The following ORC3 variants were observed in gnomAD, a reference collection of about 807,000 sequenced individuals.
ORC3 encodes the protein homolog of latheo, Drosophila.
A neutral mutation model predicts 100.7 loss-of-function variants in ORC3; 78 were observed. That is an observed-to-expected ratio of 0.77 (90% confidence interval 0.65 to 0.94). ORC3 has a LOEUF of 0.94. Among genes scored for constraint, ORC3 ranks in the 40% least tolerant of loss-of-function variants. The pLI, the probability that ORC3 is intolerant of heterozygous loss-of-function variation, is 0.00. For synonymous variants in ORC3, 295 were observed against 289.3 expected (o/e 1.02, Z -0.20); for missense variants, 789 against 823.9 (o/e 0.96, Z 0.52).
intron 11 of ORC3, among the ~76,000 whole-genome samples, chr6:87,626,895 A>G (rs1339705416): frequency 6.6e-6 from 1 of 152,130 alleles, no homozygotes; most frequent in Non-Finnish European, 1.5e-5. Context: ...AACAAATATA[A>G]TGATAAAGCT....
chr6:87,607,933 C>A, intron 6 of ORC3, 109 bp downstream of exon 6: 1 of 640,114 alleles, frequency 1.6e-6, no homozygotes, highest in Non-Finnish European at 2.5e-6. Flanking sequence ...GTTTCTGCAG[C>A]ACTAGGTGTT....
chr6:87,599,631 G>C (rs557983959), intron 2 of ORC3, among the ~76,000 whole-genome samples: 1 of 150,878 alleles, frequency 6.6e-6, no homozygotes, highest in Non-Finnish European at 1.5e-5. Context: ...CTCCCAAAGC[G>C]CTGGGATTAC....
At position 87,601,882 on chromosome 6, in the gene ORC3, G is replaced by A. The variant is rs746287729; in HGVS notation, c.177+1G>A. ...GCAGCAGATGAAATCTGAAAATGAG[G>A]TGAATACTTTTTTTAATAATTTTCT... On this transcript the variant is annotated splice_donor_variant, in intron 3 of 19. Transcript: ENST00000392844. LOFTEE classifies it high-confidence loss of function. 6.4e-7 allele frequency: 1 copy of A among 1,559,744 alleles called. No homozygotes were observed. Among genetic ancestry groups the A allele is most frequent in the Non-Finnish European group, 8.8e-7 (1 of 1,130,806 alleles).
At position 87,653,229 on chromosome 6, in the gene ORC3, C is replaced by T. The variant is rs916515545; in HGVS notation, c.1496C>T (p.Ala499Val). 6.2e-7 allele frequency: 1 copy of T among 1,613,502 alleles called. No individual in the cohort carries two copies. Among genetic ancestry groups the T allele is most frequent in the Non-Finnish European group, 8.5e-7 (1 of 1,179,712 alleles). Residue 499 changes from alanine to valine, a missense_variant, in exon 14 of 20, where the codon GCC becomes GTC. Around this residue, in one of 3 missense-constraint regions of ORC3, gnomAD observed 366 missense variants for 394.2 expected, o/e 0.93. Transcript: ENST00000392844. ...STAKRIEEFL[A>V]QFQSLDETKE... ...GCTAAGAGAATAGAGGAGTTCCTGG[C>T]CCAGTTTCAGAGCCTCGATGGTAAG... is the stretch of plus-strand genomic sequence containing the variant.
Position 87,656,985 on chromosome 6 carries a change from C to T in ORC3, c.1593+3C>T, listed in dbSNP as rs1769761331. 1 of 1,593,584 alleles carries T rather than the reference C, an allele frequency of 6.3e-7. No homozygotes were observed. Among genetic ancestry groups the T allele is most frequent in the South Asian group, 1.1e-5 (1 of 90,730 alleles). ...CAGACCTCTATCATCTTCAGAAGGT[C>T]AGGTCACTCTCTTCCCTTCCAGCTG... On this transcript the variant is annotated splice_donor_region_variant and intron_variant, in intron 15 of 19. Coordinates refer to ENST00000392844, the MANE Select transcript of ORC3 (RefSeq NM_012381.4).
Position 87,663,884 on chromosome 6 carries a change from G to A in ORC3, c.1833+740G>A, listed in dbSNP as rs752751042. ...CAATAAATACTTAAGAAACAACTCC[G>A]TAAGACCTATGAAGAGCATTCCAGT... On this transcript the variant is annotated intron_variant, in intron 17 of 19. Transcript: ENST00000392844. Among the ~76,000 whole-genome samples the A allele has an allele frequency of 6.6e-5, 10 of 152,248 alleles. No homozygotes were observed. In the South Asian group the frequency reaches 1.2e-3, roughly 19 times the overall value.
At chr6:87,628,305 C>A (rs142437974) in intron 11 of ORC3, among the ~76,000 whole-genome samples, 1 of 152,100 alleles carries the variant, frequency 6.6e-6, no homozygotes, top group Non-Finnish European at 1.5e-5. Context: ...CCTGCACGTC[C>A]TGCACATGTA....
In ORC3 at chr6:87,663,125, A is replaced by G. The variant is rs775491363; in HGVS notation, c.1814A>G (p.Asn605Ser). The change falls in exon 17 of 20, where the codon AAT becomes AGT. Residue 605 changes from asparagine to serine, a missense_variant. Asn to Ser is a conservative substitution (Grantham distance 46, BLOSUM62 1). Around this residue, in one of 3 missense-constraint regions of ORC3, gnomAD observed 366 missense variants for 394.2 expected, o/e 0.93. Transcript: ENST00000392844. Reference protein sequence around the residue: ...PRIALHTALNNPYYYLKNEAL... With the variant: ...PRIALHTALNSPYYYLKNEAL... ...ATTGCCCTCCATACTGCACTCAACA[A>G]TCCTTACTATTATCTCAAGGTAAGA... 13 of 1,611,422 alleles carry G rather than the reference A, an allele frequency of 8.1e-6. No individual in the cohort carries two copies. The Admixed American group carries it at 8.3e-5, about 10-fold the overall frequency.
intron 11 of ORC3, among the ~76,000 whole-genome samples, chr6:87,628,403 A>G (rs763339539): frequency 6.6e-6 from 1 of 152,230 alleles, no homozygotes; most frequent in African/African-American, 2.4e-5. Flanking sequence ...ATTTCCTACT[A>G]AGGAGGGACA....
At chr6:87,636,186 C>A (rs941041743) in intron 12 of ORC3, among the ~76,000 whole-genome samples, 9 of 152,152 alleles carry the variant, frequency 5.9e-5, no homozygotes, top group Non-Finnish European at 1.2e-4. Flanking sequence ...CCCGCCTCAG[C>A]CTCCCAAAGT....
At chr6:87,590,220 C>T (rs771210155) in intron 1 of ORC3, 28 bp downstream of exon 1, 2 of 1,610,434 alleles carry the variant, frequency 1.2e-6, no homozygotes, top group Non-Finnish European at 1.7e-6. Flanking sequence ...CGCACTGTGG[C>T]TCTACCGCTG....
At chr6:87,604,521 T>C (rs943492645) in intron 4 of ORC3, among the ~76,000 whole-genome samples, 1 of 152,242 alleles carries the variant, frequency 6.6e-6, no homozygotes, top group South Asian at 2.1e-4. Flanking sequence ...GGCCCACTTG[T>C]ACCAAGCTAA....
At chr6:87,593,331 TTATAAA>T (rs1777181468) in intron 1 of ORC3, among the ~76,000 whole-genome samples, 2 of 152,328 alleles carry the variant, frequency 1.3e-5, no homozygotes, top group East Asian at 1.9e-4. Context: ...GGAGAAACAA[TTATAAA>T]TAAAATACAG....
the ORC3 span, among the ~76,000 whole-genome samples, chr6:87,673,733 C>T: frequency 1.4e-4 from 21 of 151,322 alleles, no homozygotes; most frequent in Admixed American, 1.3e-4. Flanking sequence ...CCCAGCTACT[C>T]GGGAGGCTGA....
rs1461357448 is a variant in ORC3 at position 87,605,974 on chromosome 6, A to G, written c.380A>G (p.Asn127Ser). ...TFGSLTEALQ[N>S]NVTPYVVSLQ... Reference sequence around the variant, plus strand: ...GGAAGTCTAACAGAGGCCCTTCAGAATAATGTCACACCATATGTAGTCTCA... The same window carrying G: ...GGAAGTCTAACAGAGGCCCTTCAGAGTAATGTCACACCATATGTAGTCTCA... The change falls in exon 5 of 20, where the codon AAT becomes AGT. Residue 127 changes from asparagine to serine, a missense_variant. Asn to Ser is a conservative substitution (Grantham distance 46, BLOSUM62 1). This residue lies in a region of ORC3 where 399 missense variants were observed against 382.0 expected (regional missense o/e 1.04). Coordinates refer to ENST00000392844, the MANE Select transcript of ORC3 (RefSeq NM_012381.4). The G allele has an allele frequency of 2.5e-6, 4 of 1,610,288 alleles. No homozygotes were observed. The East Asian group carries it at 8.9e-5, about 36-fold the overall frequency.
chr6:87,634,579 A>T (rs779883421), intron 11 of ORC3, among the ~76,000 whole-genome samples: 34 of 152,186 alleles, frequency 2.2e-4, no homozygotes, highest in Non-Finnish European at 2.9e-4. Flanking sequence ...TTGGTGGCCA[A>T]AGTATTGTGG....
chr6:87,632,090 G>A (rs1326129335), intron 11 of ORC3, among the ~76,000 whole-genome samples: 2 of 152,050 alleles, frequency 1.3e-5, no homozygotes, highest in Non-Finnish European at 2.9e-5. Context: ...CTTGAGCCTG[G>A]GAGGTGGAGG....
At chr6:87,656,160 A>C (rs1769670980) in intron 14 of ORC3, among the ~76,000 whole-genome samples, 1 of 152,202 alleles carries the variant, frequency 6.6e-6, no homozygotes, top group Non-Finnish European at 1.5e-5. Flanking sequence ...TTTATGTTTT[A>C]GTGGATTATT....
intron 13 of ORC3, among the ~76,000 whole-genome samples, chr6:87,643,412 T>TA (rs11441800): frequency 0.33 from 46,647 of 140,844 alleles, 7,372 homozygotes; most frequent in Admixed American, 0.42. Context: ...AGGGAGAGGT[T>TA]AAAAAAAAAA....
Sources: allele counts gnomAD v4.1 joint callset (sites outside exome capture counted in the v4.1 genomes callset), GRCh38; gene constraint gnomAD v4.1.1; regional missense constraint gnomAD v4.1.1; transcripts MANE v1.5; gene names NCBI Gene and HGNC (gene_info 2026-07-23, HGNC 2026-07-21).